Variants in RBPMS observed in about 807,000 individuals in gnomAD.
RBPMS encodes RNA binding protein, mRNA processing factor.
RBPMS carries 7 observed loss-of-function variants against 26.8 expected under a neutral mutation model. The observed-to-expected ratio is 0.26, with a 90% confidence interval of 0.15 to 0.49. The LOEUF is 0.49. RBPMS is among the 20% of genes least tolerant of loss of function. The pLI is 0.98. For missense variants in RBPMS, 186 were observed against 250.0 expected, an observed-to-expected ratio of 0.74 and a Z score of 1.73; for synonymous variants, 96 against 93.3, an observed-to-expected ratio of 1.03 and a Z score of -0.17.
At chr8:30,527,883 G>A (rs1823757363) in intron 5 of RBPMS, among the ~76,000 whole-genome samples, 1 of 152,104 alleles carries the variant, frequency 6.6e-6, no homozygotes, top group Non-Finnish European at 1.5e-5. Flanking sequence ...CTTAAAGATA[G>A]GTTTAAAATG....
intron 4 of RBPMS, among the ~76,000 whole-genome samples, chr8:30,492,514 G>C (rs1273921502): frequency 6.6e-6 from 1 of 152,036 alleles, no homozygotes; most frequent in Admixed American, 6.6e-5. Flanking sequence ...TCTGCTAATT[G>C]GATATGAAAT....
chr8:30,482,705 T>G (rs1818402998), intron 4 of RBPMS, among the ~76,000 whole-genome samples: 1 of 152,202 alleles, frequency 6.6e-6, no homozygotes, highest in South Asian at 2.1e-4. Context: ...AGACTTCTTT[T>G]CAGGTTATCT....
intron 5 of RBPMS, among the ~76,000 whole-genome samples, chr8:30,505,040 C>T (rs1019443150): frequency 5.3e-5 from 8 of 152,214 alleles, no homozygotes; most frequent in Non-Finnish European, 8.8e-5. Context: ...TTGCTCAAGA[C>T]GTCTTCTACC....
At chr8:30,499,374 A>AT (rs1317272670) in intron 4 of RBPMS, among the ~76,000 whole-genome samples, 6 of 152,200 alleles carry the variant, frequency 3.9e-5, no homozygotes, top group East Asian at 1.9e-4. Context: ...AAACTAGTAG[A>AT]TTTTTTTGAA....
intron 1 of RBPMS, among the ~76,000 whole-genome samples, chr8:30,474,399 T>C (rs1408941029): frequency 1.3e-5 from 2 of 152,180 alleles, no homozygotes; most frequent in Non-Finnish European, 2.9e-5. Flanking sequence ...TAAGCTAATA[T>C]TTAAATTATA....
At chr8:30,391,891 A>G (rs892738345) in intron 1 of RBPMS, among the ~76,000 whole-genome samples, 6 of 152,062 alleles carry the variant, frequency 3.9e-5, no homozygotes, top group Admixed American at 2.6e-4. Flanking sequence ...CTTTTTATCT[A>G]TTCATTAAAT....
At chr8:30,447,337 A>G (rs1813987235) in intron 1 of RBPMS, among the ~76,000 whole-genome samples, 1 of 152,260 alleles carries the variant, frequency 6.6e-6, no homozygotes, top group Non-Finnish European at 1.5e-5. Context: ...AAGGGAATTT[A>G]GGAAATCATG....
intron 5 of RBPMS, among the ~76,000 whole-genome samples, chr8:30,519,834 C>G (rs527680398): frequency 1.3e-5 from 2 of 152,098 alleles, no homozygotes; most frequent in East Asian, 3.9e-4. Context: ...GAAAAAAGTG[C>G]CAGCCTTCCT....
At chr8:30,545,214 G>C in intron 6 of RBPMS, 3 of 1,285,056 alleles carry the variant, frequency 2.3e-6, no homozygotes, top group Non-Finnish European at 3.0e-6. Flanking sequence ...TGGAATTACA[G>C]GTCAAGGTAG....
In RBPMS at chr8:30,385,124, A is replaced by G. The variant is rs1806856224; in HGVS notation, c.32A>G (p.Asn11Ser). Residue 11 changes from asparagine to serine, a missense_variant, in exon 1 of 9, where the codon AAC becomes AGC. Physicochemically the swap from Asn to Ser is conservative, Grantham distance 46. This residue lies in a region of RBPMS where 38 missense variants were observed against 27.8 expected (regional missense o/e 1.37). Coordinates refer to ENST00000397323, the MANE Select transcript of RBPMS (RefSeq NM_001008710.3). The stretch of plus-strand genomic sequence containing the variant: ...AACGGCGGCAAAGCCGAGAAGGAGA[A>G]CACCCCGAGCGAGGCCAACCTTCAG... Reference protein sequence around the residue: MNNGGKAEKENTPSEANLQEE... With the variant: MNNGGKAEKESTPSEANLQEE... The G allele has an allele frequency of 6.5e-7, 1 of 1,528,548 alleles. No individual in the cohort carries two copies. The highest frequency in any genetic ancestry group is 1.4e-5 in the African/African-American group (1 of 70,008). 94.7% of individuals were successfully genotyped at this position (1,528,548 alleles called of 1,614,324 possible).
At chr8:30,428,779 C>CTT (rs1041499391) in intron 1 of RBPMS, among the ~76,000 whole-genome samples, 1 of 144,128 alleles carries the variant, frequency 6.9e-6, no homozygotes, top group East Asian at 2.0e-4. Flanking sequence ...GAATATAAGG[C>CTT]TTTTTTTTTT....
chr8:30,512,044 G>A (rs577619508), intron 5 of RBPMS, among the ~76,000 whole-genome samples: 5 of 152,130 alleles, frequency 3.3e-5, no homozygotes, highest in East Asian at 1.9e-4. Flanking sequence ...TTCAGTCCAC[G>A]TTAAGAGAAC....
At chr8:30,452,274 G>A (rs541102682) in intron 1 of RBPMS, among the ~76,000 whole-genome samples, 177 of 152,258 alleles carry the variant, frequency 1.2e-3, no homozygotes, top group South Asian at 1.7e-3. Flanking sequence ...TCCAAGGTAC[G>A]GGAGAACTGG....
chr8:30,519,778 C>T (rs1822839703), intron 5 of RBPMS, among the ~76,000 whole-genome samples: 1 of 152,126 alleles, frequency 6.6e-6, no homozygotes, highest in South Asian at 2.1e-4. Context: ...CAGGCGTGAG[C>T]CACCGCGCCT....
chr8:30,519,485 T>C (rs1183323633), intron 5 of RBPMS, among the ~76,000 whole-genome samples: 4 of 48,042 alleles, frequency 8.3e-5, no homozygotes, highest in South Asian at 7.0e-4. Context: ...TTTTTTTTTT[T>C]TTTTTTTTTT....
chr8:30,392,008 A>G (rs1418458486), intron 1 of RBPMS, among the ~76,000 whole-genome samples: 5 of 152,028 alleles, frequency 3.3e-5, no homozygotes, highest in African/African-American at 7.2e-5. Flanking sequence ...CTGAAAAGCT[A>G]TGGAGCCAGG....
chr8:30,440,314 C>A (rs1442125761), intron 1 of RBPMS, among the ~76,000 whole-genome samples: 1 of 152,034 alleles, frequency 6.6e-6, no homozygotes, highest in East Asian at 1.9e-4. Context: ...AAAACAGAAA[C>A]TCTATACCCA....
rs752659165 is a variant in RBPMS at position 30,545,202 on chromosome 8, G to A, written c.528+578G>A. On this transcript the variant is annotated intron_variant, in intron 6 of 8. Transcript: ENST00000397323. Reference sequence around the variant, plus strand: ...AAAGGAGATACAAGATAGTGTCTAAGATGGAATTACAGGTCAAGGTAGAGA... The same window carrying A: ...AAAGGAGATACAAGATAGTGTCTAAAATGGAATTACAGGTCAAGGTAGAGA... 2.2e-5 allele frequency: 29 copies of A among 1,291,358 alleles called. No individual in the cohort carries two copies. The South Asian group carries it at 3.2e-4, about 14-fold the overall frequency. 80.0% of individuals were successfully genotyped at this position (1,291,358 alleles called of 1,614,324 possible).
intron 1 of RBPMS, among the ~76,000 whole-genome samples, chr8:30,459,458 T>G (rs1395749012): frequency 6.6e-6 from 1 of 152,150 alleles, no homozygotes; most frequent in African/African-American, 2.4e-5. Flanking sequence ...ATAAATAGAT[T>G]GTACAGTTTA....
Sources: gnomAD v4.1 joint callset for allele counts (sites outside exome capture counted in the v4.1 genomes callset) on GRCh38, gnomAD v4.1.1 for gene constraint, gnomAD v4.1.1 regional missense constraint, MANE v1.5 for transcripts, NCBI Gene and HGNC (gene_info 2026-07-23, HGNC 2026-07-21) for gene names.